The following SLC39A14 variants were observed in gnomAD, a reference collection of about 807,000 sequenced individuals.
The protein encoded by SLC39A14 is solute carrier family 39 member 14, also known as metal cation symporter ZIP14.
Under a neutral mutation model 45.5 loss-of-function variants are expected in SLC39A14, and 19 were observed. That is an observed-to-expected ratio of 0.42 (90% CI 0.29 to 0.61). The LOEUF is 0.61. SLC39A14 is among the 20% of genes least tolerant of loss of function. The probability of loss-of-function intolerance (pLI) is 0.22; values close to 1 mark genes in which losing one functional copy is unlikely to be tolerated. For missense variants in SLC39A14, 447 were observed against 616.5 expected (o/e 0.73, Z 2.91); for synonymous variants, 264 against 251.3 (o/e 1.05, Z -0.48).
chr8:22,377,103 A>G (rs1350509690), intron 1 of SLC39A14, among the ~76,000 whole-genome samples: 1 of 152,112 alleles, frequency 6.6e-6, no homozygotes, highest in Admixed American at 6.5e-5. Context: ...ATTCTTTGTA[A>G]GCAAGAGCTG....
At chr8:22,400,939 TTC>T (rs1834817819) in intron 1 of SLC39A14, among the ~76,000 whole-genome samples, 2 of 152,248 alleles carry the variant, frequency 1.3e-5, no homozygotes, top group African/African-American at 2.4e-5. Flanking sequence ...ATTGAGTGCT[TTC>T]TATATGGTTC....
In SLC39A14 at chr8:22,416,321, G is replaced by A. The variant is rs764458095; in HGVS notation, c.1147+41G>A. ...CCGTTCCACTGGTGCTCCCTTGGGT[G>A]GTGGTGTAGGCCCCCTTCCTGTGGC... On this transcript the variant is annotated intron_variant, in intron 7 of 8. Coordinates refer to ENST00000381237, the MANE Select transcript of SLC39A14 (RefSeq NM_001128431.4). The A allele has an allele frequency of 2.6e-6, 4 of 1,556,920 alleles. No homozygotes were observed. The South Asian group carries it at 4.5e-5, about 17-fold the overall frequency.
At chr8:22,390,345 AC>A (rs1426497806) in intron 1 of SLC39A14, 1 of 148,450 alleles carries the variant, frequency 6.7e-6, no homozygotes, top group Non-Finnish European at 1.5e-5. Context: ...TTTCTCTGTC[AC>A]CCAGCCTGGA....
intron 1 of SLC39A14, among the ~76,000 whole-genome samples, chr8:22,392,476 T>A (rs1020080915): frequency 2.0e-5 from 3 of 152,188 alleles, no homozygotes; most frequent in Non-Finnish European, 2.9e-5. Flanking sequence ...CGGGAAGTTC[T>A]GCTTCATGGG....
intron 1 of SLC39A14, among the ~76,000 whole-genome samples, chr8:22,388,236 G>A (rs1284406489): frequency 1.3e-5 from 2 of 152,196 alleles, no homozygotes; most frequent in African/African-American, 4.8e-5. Flanking sequence ...GTGGATCTGA[G>A]GTGGTGCTAT....
chr8:22,388,893 T>C (rs1457249587), intron 1 of SLC39A14, among the ~76,000 whole-genome samples: 1 of 152,088 alleles, frequency 6.6e-6, no homozygotes, highest in Non-Finnish European at 1.5e-5. Context: ...AGTAACCCTC[T>C]TTCTCATGAG....
At chr8:22,407,233 C>T (rs536788377) in intron 2 of SLC39A14, among the ~76,000 whole-genome samples, 1 of 152,354 alleles carries the variant, frequency 6.6e-6, no homozygotes, top group Non-Finnish European at 1.5e-5. Context: ...CGCCCTTAGA[C>T]ATTTCAGCTT....
intron 1 of SLC39A14, among the ~76,000 whole-genome samples, chr8:22,401,586 C>G (rs139126345): frequency 0.012 from 1,442 of 115,592 alleles, 16 homozygotes; most frequent in African/African-American, 0.042. Flanking sequence ...CTTGCTCTGT[C>G]CCCCAGGCTG....
At chr8:22,397,538 G>A (rs1296527819) in intron 1 of SLC39A14, among the ~76,000 whole-genome samples, 4 of 151,862 alleles carry the variant, frequency 2.6e-5, no homozygotes, top group Non-Finnish European at 5.9e-5. Context: ...AGATAGCGCC[G>A]CTGCACTCCG....
intron 1 of SLC39A14, among the ~76,000 whole-genome samples, chr8:22,388,071 T>G (rs188554000): frequency 2.0e-4 from 30 of 152,318 alleles, no homozygotes; most frequent in African/African-American, 6.7e-4. Flanking sequence ...CAGCAGGTGC[T>G]TATTAAGATC....
Position 22,377,397 on chromosome 8 carries a change from T to C in SLC39A14, c.-16+9989T>C, listed in dbSNP as rs1833275061. 3.9e-5 allele frequency among the ~76,000 whole-genome samples: 6 copies of C among 152,282 alleles called. No individual in the cohort carries two copies. The South Asian group carries it at 1.2e-3, about 32-fold the overall frequency. ...CTCCACGGAGTCCTGCTTTCCTTTA[T>C]TGGAGAATGCTGTTTAGAAACCAAG... On this transcript the variant is annotated intron_variant, in intron 1 of 8. Transcript: ENST00000381237.
chr8:22,368,228 G>A (rs571651376), intron 1 of SLC39A14, among the ~76,000 whole-genome samples: 1 of 152,230 alleles, frequency 6.6e-6, no homozygotes, highest in South Asian at 2.1e-4. Context: ...TGGAAGCGTG[G>A]GGTTAGGAGC....
At chr8:22,396,105 G>A (rs897525069) in intron 1 of SLC39A14, among the ~76,000 whole-genome samples, 2 of 151,910 alleles carry the variant, frequency 1.3e-5, no homozygotes, top group Non-Finnish European at 1.5e-5. Flanking sequence ...AGTGGTTTCC[G>A]CCTGTAATCC....
chr8:22,379,228 C>G (rs1260748224), intron 1 of SLC39A14, among the ~76,000 whole-genome samples: 3 of 152,156 alleles, frequency 2.0e-5, no homozygotes, highest in Admixed American at 6.5e-5. Context: ...AAATCCAGGA[C>G]AATTTCATCT....
At chr8:22,408,820 C>CTTTTT (rs71544900) in intron 3 of SLC39A14, among the ~76,000 whole-genome samples, 7 of 130,552 alleles carry the variant, frequency 5.4e-5, no homozygotes, top group South Asian at 2.4e-4. Flanking sequence ...CTTTTTTAAT[C>CTTTTT]TTTTTTTTTT....
intron 8 of SLC39A14, among the ~76,000 whole-genome samples, chr8:22,430,180 A>C (rs920670394): frequency 2.6e-5 from 4 of 151,888 alleles, no homozygotes; most frequent in African/African-American, 9.7e-5. Flanking sequence ...AGGTCACTGC[A>C]GCTTCAAACT....
intron 1 of SLC39A14, among the ~76,000 whole-genome samples, chr8:22,400,357 A>G (rs995690850): frequency 5.3e-5 from 8 of 152,190 alleles, no homozygotes; most frequent in Non-Finnish European, 1.2e-4. Flanking sequence ...GTGCTTAGCA[A>G]GGTCTGCAAT....
In SLC39A14 at chr8:22,396,594, GAGA is replaced by G. The variant is rs1255485620; in HGVS notation, c.-15-8101_-15-8099del. On this transcript the variant is annotated intron_variant, in intron 1 of 8. Transcript: ENST00000381237. Reference sequence around the variant, plus strand: ...AGAGAGAGAGAGAGAGAGAGAGAGAGAGAGAAGACTAAGTGGAATTTGGAATTG... The same window carrying G: ...AGAGAGAGAGAGAGAGAGAGAGAGAGGAAGACTAAGTGGAATTTGGAATTG... Among the ~76,000 whole-genome samples the G allele has an allele frequency of 1.0e-3, 97 of 95,990 alleles. 22 individuals are homozygous for G. The highest frequency in any genetic ancestry group is 1.2e-3 in the Admixed American group (11 of 8,944). 63.0% of individuals were successfully genotyped at this position (95,990 alleles called of 152,430 possible).
chr8:22,395,709 T>C (rs968729201), intron 1 of SLC39A14, among the ~76,000 whole-genome samples: 1 of 152,214 alleles, frequency 6.6e-6, no homozygotes, highest in African/African-American at 2.4e-5. Flanking sequence ...CTCGTGGAAC[T>C]GATGTTTTAA....
Sources: allele counts gnomAD v4.1 joint callset (sites outside exome capture counted in the v4.1 genomes callset), GRCh38; gene constraint gnomAD v4.1.1; transcripts MANE v1.5; gene names NCBI Gene and HGNC (gene_info 2026-07-23, HGNC 2026-07-21).